Variants in CNTN5 observed in about 807,000 individuals in gnomAD.
The protein encoded by CNTN5 is contactin 5.
CNTN5 carries 77 observed loss-of-function variants against 129.1 expected under a neutral mutation model. The ratio of observed to expected loss-of-function variants is 0.60; its 90% CI spans 0.50 to 0.72. The LOEUF (loss-of-function observed/expected upper bound fraction) is 0.72. Ranked by LOEUF, CNTN5 falls within the 30% of genes least tolerant of loss-of-function variation. The pLI is 0.00. For synonymous variants in CNTN5, 509 were observed against 465.6 expected, an observed-to-expected ratio of 1.09 and a Z score of -1.20; for missense variants, 1,478 against 1,328.8, an observed-to-expected ratio of 1.11 and a Z score of -1.75.
At chr11:99,149,034 A>T (rs1438220543) in intron 1 of CNTN5, among the ~76,000 whole-genome samples, 4 of 152,174 alleles carry the variant, frequency 2.6e-5, no homozygotes, top group Non-Finnish European at 5.9e-5. Flanking sequence ...AATAAGGAAA[A>T]TGGCAGAGAA....
At chr11:99,329,914 GACACACACACACAC>G (rs58544462) in intron 2 of CNTN5, among the ~76,000 whole-genome samples, 8,441 of 140,352 alleles carry the variant, frequency 0.06, 679 homozygotes, top group African/African-American at 0.19. Flanking sequence ...TACAAGCAGT[GACACACACACACAC>G]ACACACACAC....
chr11:99,994,298 C>G (rs1408210776), intron 8 of CNTN5, among the ~76,000 whole-genome samples: 2 of 142,340 alleles, frequency 1.4e-5, no homozygotes, highest in African/African-American at 5.4e-5. Flanking sequence ...GATGTAGATT[C>G]TGAAGAGCCT....
chr11:99,100,608 A>G (rs1464775582), intron 1 of CNTN5, among the ~76,000 whole-genome samples: 1 of 152,162 alleles, frequency 6.6e-6, no homozygotes, highest in Non-Finnish European at 1.5e-5. Context: ...GCTGAAGCAA[A>G]TAAAGGAGAA....
At chr11:99,822,004 C>G (rs1371805746) in intron 4 of CNTN5, among the ~76,000 whole-genome samples, 2 of 152,124 alleles carry the variant, frequency 1.3e-5, no homozygotes, top group African/African-American at 4.8e-5. Context: ...CTAGATGTGA[C>G]TTTGAGTTCT....
At chr11:99,315,157 G>A (rs1286824056) in intron 1 of CNTN5, among the ~76,000 whole-genome samples, 1 of 149,146 alleles carries the variant, frequency 6.7e-6, no homozygotes, top group African/African-American at 2.4e-5. Context: ...AAAAGCATTT[G>A]GTCTGGCTAG....
intron 1 of CNTN5, among the ~76,000 whole-genome samples, chr11:99,110,399 A>G (rs1857733231): frequency 6.6e-6 from 1 of 152,132 alleles, no homozygotes; most frequent in Non-Finnish European, 1.5e-5. Flanking sequence ...ATATTATATG[A>G]CGTATGAATG....
chr11:99,889,315 TG>T lies in CNTN5; in HGVS notation c.578-26738del, dbSNP rs1469822617. ...AGGTGTGTGTGTGTGTGTGTGTGTG[TG>T]TGTGTGTGTGTGTGTGTGTGTGTGT... On this transcript the variant is annotated intron_variant, in intron 6 of 24. Transcript: ENST00000524871. Among the ~76,000 whole-genome samples, 9 of 123,238 alleles carry T rather than the reference TG, an allele frequency of 7.3e-5. No individual in the cohort carries two copies. In the East Asian group the frequency reaches 1.5e-3, roughly 20 times the overall value. 80.8% of individuals were successfully genotyped at this position (123,238 alleles called of 152,430 possible).
At chr11:99,639,895 A>T (rs1034547700) in intron 3 of CNTN5, among the ~76,000 whole-genome samples, 24 of 152,050 alleles carry the variant, frequency 1.6e-4, no homozygotes, top group African/African-American at 5.8e-4. Context: ...TGTTGCTTAG[A>T]AATTTCTTCT....
At chr11:99,372,709 T>A (rs1939898443) in intron 2 of CNTN5, among the ~76,000 whole-genome samples, 1 of 152,222 alleles carries the variant, frequency 6.6e-6, no homozygotes, top group South Asian at 2.1e-4. Context: ...GATGTTCTGA[T>A]TTAAAATGTC....
At position 99,628,957 on chromosome 11, in the gene CNTN5, A is replaced by G. The variant is rs569988092; in HGVS notation, c.55+72688A>G. Among the ~76,000 whole-genome samples the G allele has an allele frequency of 1.1e-4, 16 of 152,202 alleles. No homozygotes were observed. In the South Asian group the frequency reaches 2.9e-3, roughly 28 times the overall value. ...CACTTGCTTGTGAGAGCATTATTGG[A>G]AAAAATCTGGTAGACTCAGCACATA... On this transcript the variant is annotated intron_variant, in intron 3 of 24. Transcript: ENST00000524871.
chr11:99,337,712 G>C (rs1478986052), intron 2 of CNTN5, among the ~76,000 whole-genome samples: 1 of 152,248 alleles, frequency 6.6e-6, no homozygotes, highest in South Asian at 2.1e-4. Context: ...TGGATTTTGG[G>C]GGGCTTGCTC....
intron 3 of CNTN5, among the ~76,000 whole-genome samples, chr11:99,691,678 C>T (rs2134788561): frequency 6.6e-6 from 1 of 152,156 alleles, no homozygotes; most frequent in Non-Finnish European, 1.5e-5. Flanking sequence ...AATATGTGAA[C>T]AGTTTTTTTA....
At chr11:99,588,147 T>C (rs1412208160) in intron 3 of CNTN5, among the ~76,000 whole-genome samples, 1 of 151,996 alleles carries the variant, frequency 6.6e-6, no homozygotes, top group African/African-American at 2.4e-5. Context: ...ATGGATACCA[T>C]CCTGGCTAAC....
At chr11:99,941,117 A>G (rs573910116) in intron 7 of CNTN5, among the ~76,000 whole-genome samples, 1 of 152,218 alleles carries the variant, frequency 6.6e-6, no homozygotes, top group Admixed American at 6.5e-5. Flanking sequence ...AGCAATTAAT[A>G]ATCATATTGT....
chr11:99,769,902 C>A lies in CNTN5; in HGVS notation c.56-49642C>A, dbSNP rs527645136. On this transcript the variant is annotated intron_variant, in intron 3 of 24. Transcript: ENST00000524871. ...GTATAGACAAACAGCCTTATCAACT[C>A]TTGTCAACTATTGCAATGCAGTGTG... Among the ~76,000 whole-genome samples the A allele has an allele frequency of 4.6e-4, 70 of 151,860 alleles. No homozygotes were observed. The South Asian group carries it at 0.013, about 27-fold the overall frequency.
intron 2 of CNTN5, among the ~76,000 whole-genome samples, chr11:99,363,881 T>C (rs1939282895): frequency 6.6e-6 from 1 of 152,174 alleles, no homozygotes; most frequent in Non-Finnish European, 1.5e-5. Context: ...ACGCTATCAC[T>C]AGTCCTGTTT....
At chr11:99,980,472 C>T (rs933127265) in intron 8 of CNTN5, among the ~76,000 whole-genome samples, 2 of 152,148 alleles carry the variant, frequency 1.3e-5, no homozygotes, top group Non-Finnish European at 2.9e-5. Flanking sequence ...GCAATGAATA[C>T]TTACTGTGGG....
chr11:99,283,495 A>T (rs1863793509), intron 1 of CNTN5, among the ~76,000 whole-genome samples: 1 of 152,120 alleles, frequency 6.6e-6, no homozygotes, highest in Non-Finnish European at 1.5e-5. Context: ...ATAGTTTTAG[A>T]AAGAAAACAG....
At chr11:99,157,219 T>C (rs1360857612) in intron 1 of CNTN5, among the ~76,000 whole-genome samples, 2 of 152,014 alleles carry the variant, frequency 1.3e-5, no homozygotes, top group Non-Finnish European at 2.9e-5. Flanking sequence ...TAGAGAAGTA[T>C]TTTTAAGGGA....
Sources: allele counts gnomAD v4.1 joint callset (sites outside exome capture counted in the v4.1 genomes callset), GRCh38; gene constraint gnomAD v4.1.1; transcripts MANE v1.5; gene names NCBI Gene and HGNC (gene_info 2026-07-23, HGNC 2026-07-21).